LRP1B: variants seen among roughly 807,000 people sequenced by gnomAD.
The protein encoded by LRP1B is LDL receptor related protein 1B, also known as low-density lipoprotein receptor-related protein 1B.
A neutral mutation model predicts 556.6 loss-of-function variants in LRP1B; 217 were observed. The observed-to-expected ratio is 0.39, with a 90% CI of 0.35 to 0.44. The LOEUF is 0.44. Ranked by LOEUF, LRP1B falls within the 20% of genes least tolerant of loss-of-function variation. The pLI is 1.00. For synonymous variants in LRP1B, 2,047 were observed against 1,865.8 expected, an observed-to-expected ratio of 1.10 and a Z score of -2.50; for missense variants, 5,053 against 5,620.8, an observed-to-expected ratio of 0.90 and a Z score of 3.23.
chr2:140,807,547 T>A (rs530141567), intron 32 of LRP1B, among the ~76,000 whole-genome samples: 23 of 149,772 alleles, frequency 1.5e-4, no homozygotes, highest in African/African-American at 5.1e-4. Context: ...GAGATGGGGT[T>A]TCACCATCTT....
intron 21 of LRP1B, among the ~76,000 whole-genome samples, chr2:140,918,575 T>G (rs1392369587): frequency 6.6e-6 from 1 of 152,102 alleles, no homozygotes; most frequent in Non-Finnish European, 1.5e-5. Context: ...TGGGTATTAC[T>G]GGGCTTGTTT....
At chr2:141,685,799 C>T (rs1214986996) in intron 2 of LRP1B, among the ~76,000 whole-genome samples, 2 of 152,074 alleles carry the variant, frequency 1.3e-5, no homozygotes, top group South Asian at 2.1e-4. Context: ...AATAAGTTAG[C>T]AGGCTGATTT....
intron 2 of LRP1B, among the ~76,000 whole-genome samples, chr2:141,695,608 A>G (rs1276035566): frequency 6.6e-6 from 1 of 151,920 alleles, no homozygotes; most frequent in Non-Finnish European, 1.5e-5. Context: ...CTTCATCCCA[A>G]TGTTGCTATA....
chr2:141,696,900 C>T (rs1382976710), intron 2 of LRP1B, among the ~76,000 whole-genome samples: 4 of 151,736 alleles, frequency 2.6e-5, no homozygotes, highest in East Asian at 1.9e-4. Context: ...AAGAAATGGG[C>T]GATGTTAAAA....
At chr2:140,633,111 T>C (rs759887220) in intron 41 of LRP1B, among the ~76,000 whole-genome samples, 10 of 147,934 alleles carry the variant, frequency 6.8e-5, no homozygotes, top group Non-Finnish European at 1.0e-4. Flanking sequence ...ACATTAAATA[T>C]AAAAACATAG....
intron 2 of LRP1B, among the ~76,000 whole-genome samples, chr2:141,693,688 G>A (rs1014025526): frequency 1.3e-5 from 2 of 151,970 alleles, no homozygotes; most frequent in Admixed American, 6.6e-5. Context: ...CAGATCATTT[G>A]TTTATTTCTT....
intron 3 of LRP1B, among the ~76,000 whole-genome samples, chr2:141,291,496 G>T (rs1457565288): frequency 6.6e-6 from 1 of 151,800 alleles, no homozygotes; most frequent in Non-Finnish European, 1.5e-5. Context: ...TATTTTAAGG[G>T]CATGTCTCAA....
intron 7 of LRP1B, among the ~76,000 whole-genome samples, chr2:141,088,903 C>T (rs543784929): frequency 6.6e-6 from 1 of 152,170 alleles, no homozygotes; most frequent in Non-Finnish European, 1.5e-5. Flanking sequence ...TGATGCATAG[C>T]CCTCTGAGAT....
intron 6 of LRP1B, among the ~76,000 whole-genome samples, chr2:141,190,966 G>C (rs1681476743): frequency 6.6e-6 from 1 of 151,912 alleles, no homozygotes; most frequent in Non-Finnish European, 1.5e-5. Flanking sequence ...CCCTGGAGTA[G>C]GTCATAAGAT....
chr2:140,423,165 G>A (rs1009813056), intron 66 of LRP1B, among the ~76,000 whole-genome samples: 6 of 152,098 alleles, frequency 3.9e-5, no homozygotes, highest in African/African-American at 9.7e-5. Context: ...TGGTCATACC[G>A]TTAGCCAATA....
At chr2:140,502,887 T>C (rs1689256330) in intron 54 of LRP1B, 76 bp downstream of exon 54, 1 of 1,448,640 alleles carries the variant, frequency 6.9e-7, no homozygotes, top group South Asian at 1.2e-5. Context: ...CATTGAATAC[T>C]ATACTAGACA....
intron 1 of LRP1B, among the ~76,000 whole-genome samples, chr2:141,890,016 C>T (rs1184547966): frequency 2.1e-5 from 3 of 143,250 alleles, no homozygotes; most frequent in Admixed American, 7.3e-5. Context: ...CTCTACTGGG[C>T]GCTTTATTCC....
intron 88 of LRP1B, 144 bp downstream of exon 88, chr2:140,239,298 A>C (rs1680846881): frequency 6.0e-6 from 3 of 500,122 alleles, no homozygotes; most frequent in African/African-American, 2.0e-5. Context: ...CTTAAAAGAG[A>C]GGTATAAAAT....
At chr2:140,754,673 A>G (rs955711504) in intron 35 of LRP1B, among the ~76,000 whole-genome samples, 3 of 152,008 alleles carry the variant, frequency 2.0e-5, no homozygotes, top group Admixed American at 6.6e-5. Flanking sequence ...ATGATGTTCA[A>G]GTAGTTATTG....
At chr2:140,252,242 G>A (rs890230318) in intron 86 of LRP1B, among the ~76,000 whole-genome samples, 3 of 151,470 alleles carry the variant, frequency 2.0e-5, no homozygotes, top group Non-Finnish European at 4.4e-5. Flanking sequence ...AGTCTTAGAT[G>A]AAATTATTTC....
At chr2:141,262,402 A>G (rs1684728651) in intron 3 of LRP1B, among the ~76,000 whole-genome samples, 3 of 151,992 alleles carry the variant, frequency 2.0e-5, no homozygotes. Flanking sequence ...TTCTCTTATT[A>G]CTGCTTTTCA....
chr2:140,236,136 C>T (rs1256765866), intron 89 of LRP1B, among the ~76,000 whole-genome samples: 1 of 150,750 alleles, frequency 6.6e-6, no homozygotes, highest in Non-Finnish European at 1.5e-5. Flanking sequence ...TCTGATAGTA[C>T]ACAATGTATC....
At chr2:141,555,107 G>A (rs1685914042) in intron 2 of LRP1B, among the ~76,000 whole-genome samples, 1 of 151,942 alleles carries the variant, frequency 6.6e-6, no homozygotes, top group Non-Finnish European at 1.5e-5. Context: ...ACTGGAAATG[G>A]ACAGAATGCC....
rs1334382153 is a variant in LRP1B at position 140,765,519 on chromosome 2, A to G, written c.5758+3694T>C. The stretch of plus-strand genomic sequence containing the variant: ...GCAGTATTCATTTATCAGGAGGAAT[A>G]TCACCCAGCAGGCAAGGATTTTCAA... On this transcript the variant is annotated intron_variant, in intron 35 of 90. Coordinates refer to ENST00000389484, the MANE Select transcript of LRP1B (RefSeq NM_018557.3). Among the ~76,000 whole-genome samples the G allele has an allele frequency of 7.2e-5, 11 of 152,272 alleles. No homozygotes were observed. The South Asian group carries it at 1.5e-3, about 20-fold the overall frequency.
Sources: gnomAD v4.1 joint callset for allele counts (sites outside exome capture counted in the v4.1 genomes callset) on GRCh38, gnomAD v4.1.1 for gene constraint, MANE v1.5 for transcripts, NCBI Gene and HGNC (gene_info 2026-07-23, HGNC 2026-07-21) for gene names.